The following ABL2 variants were observed in gnomAD, a reference collection of about 807,000 sequenced individuals.
The protein encoded by ABL2 is tyrosine-protein kinase ABL2.
Under a neutral mutation model 107.7 loss-of-function variants are expected in ABL2, and 49 were observed. That is an observed-to-expected ratio of 0.45 (90% confidence interval 0.36 to 0.58). The LOEUF (loss-of-function observed/expected upper bound fraction) is 0.58, where lower values mean the gene tolerates loss of function less well. ABL2 is among the 20% of genes least tolerant of loss of function. ABL2 has a pLI of 0.00. For missense variants in ABL2, 1,245 were observed against 1,457.0 expected (o/e 0.85, Z 2.37); for synonymous variants, 549 against 548.6 (o/e 1.00, Z -0.01).
At position 179,107,859 on chromosome 1, in the gene ABL2, G is replaced by A; in HGVS notation, c.3408C>T (p.Phe1136=). The A allele has an allele frequency of 3.7e-6, 6 of 1,614,214 alleles. No homozygotes were observed. The highest frequency in any genetic ancestry group is 4.2e-6 in the Non-Finnish European group (5 of 1,180,044). ...CIPQTRNKFA[F]REAVSKLELS... ...GTTCCAGTTTGCTCACAGCCTCTCG[G>A]AAGGCAAATTTGTTGCGAGTTTGAG... Residue 1136 remains phenylalanine, a synonymous_variant, in exon 12 of 12, where the codon TTC becomes TTT. Coordinates refer to ENST00000502732, the MANE Select transcript of ABL2 (RefSeq NM_007314.4).
intron 1 of ABL2, among the ~76,000 whole-genome samples, chr1:179,142,317 C>T (rs1464906823): frequency 6.6e-6 from 1 of 151,806 alleles, no homozygotes; most frequent in East Asian, 1.9e-4. Context: ...CAGGCTACAA[C>T]AAAAATAAAG....
At position 179,121,840 on chromosome 1, in the gene ABL2, T is replaced by A. The variant is rs1387773234; in HGVS notation, c.715A>T (p.Ser239Cys). ...KVYVTAESRFSTLAELVHHHS... is the reference protein window; with the variant it reads ...KVYVTAESRFCTLAELVHHHS... ...TGGTGTACAAGCTCTGCCAAGGTGC[T>A]GAAGCGGCTCTCAGCAGTCACATAC... The change falls in exon 5 of 12, where the codon AGC (serine) becomes TGC (cysteine). Residue 239 changes from serine (S) to cysteine (C), a missense_variant. By Grantham distance (112) the Ser-to-Cys change is moderately radical (BLOSUM62 -1). This residue lies in a region of ABL2 where 320 missense variants were observed against 547.0 expected (regional missense o/e 0.59). Transcript: ENST00000502732. 1.9e-6 allele frequency: 3 copies of A among 1,613,382 alleles called. No individual in the cohort carries two copies. The highest frequency in any genetic ancestry group is 2.5e-6 in the Non-Finnish European group (3 of 1,179,896).
chr1:179,200,468 AG>A (rs1273196385), intron 1 of ABL2, among the ~76,000 whole-genome samples: 1 of 152,230 alleles, frequency 6.6e-6, no homozygotes, highest in Non-Finnish European at 1.5e-5. Flanking sequence ...AGTTTCACAA[AG>A]ATAAAAGTTA....
chr1:179,179,211 C>G (rs1660225085), intron 1 of ABL2, among the ~76,000 whole-genome samples: 1 of 152,196 alleles, frequency 6.6e-6, no homozygotes, highest in Non-Finnish European at 1.5e-5. Flanking sequence ...AATTCCTCCA[C>G]ATGAGGATTA....
intron 11 of ABL2, among the ~76,000 whole-genome samples, chr1:179,109,990 T>C (rs1168495576): frequency 6.6e-6 from 1 of 151,496 alleles, no homozygotes; most frequent in African/African-American, 2.4e-5. Flanking sequence ...ACCTCAACAC[T>C]CATCCTTTCT....
rs140936167 is a variant in ABL2 at position 179,104,505 on chromosome 1, T to C, written c.*3213A>G. 4.0e-3 allele frequency: 845 copies of C among 211,126 alleles called. 5 individuals carry two copies. Among genetic ancestry groups the C allele is most frequent in the African/African-American group, 0.017 (753 of 44,298 alleles). 13.1% of individuals were successfully genotyped at this position (211,126 alleles called of 1,614,324 possible). ...AATGCTGCTGGTAAAGGGTCTCCAC[T>C]ATAATGACCTCTATGTACAGAGGTC... On this transcript the variant is annotated 3_prime_UTR_variant, in exon 12 of 12. Transcript: ENST00000502732.
intron 10 of ABL2, chr1:179,110,772 T>C (rs774804608): frequency 3.0e-5 from 49 of 1,613,864 alleles, no homozygotes; most frequent in Non-Finnish European, 4.2e-5. Context: ...TATGAATACG[T>C]TGCTAGCATC....
chr1:179,128,348 A>G (rs1655947153), intron 3 of ABL2, among the ~76,000 whole-genome samples: 1 of 152,170 alleles, frequency 6.6e-6, no homozygotes, highest in South Asian at 2.1e-4. Context: ...GGAAGAAAAA[A>G]AAAAGAATCC....
At chr1:179,146,461 A>C (rs1657991748) in intron 1 of ABL2, among the ~76,000 whole-genome samples, 2 of 152,088 alleles carry the variant, frequency 1.3e-5, no homozygotes, top group Admixed American at 6.5e-5. Flanking sequence ...TGAGACCTGA[A>C]GTGTTTCAGG....
At position 179,108,142 on chromosome 1, in the gene ABL2, G is replaced by A. The variant is rs780655730; in HGVS notation, c.3125C>T (p.Pro1042Leu). The change falls in exon 12 of 12, where the codon CCT becomes CTT. Residue 1042 changes from proline (P) to leucine (L), a missense_variant. Coordinates refer to ENST00000502732, the MANE Select transcript of ABL2 (RefSeq NM_007314.4). ...TGTGGGCAGAGGCACTTGAGGTGGA[G>A]GCATCACTGGCCTCCCAGCTTTCCC... The part of the protein sequence containing the change: ...ISGKAGRPVM[P>L]PPQVPLPTSS... The A allele has an allele frequency of 8.7e-6, 14 of 1,614,116 alleles. No individual in the cohort carries two copies. In the South Asian group the frequency reaches 1.3e-4, roughly 15 times the overall value.
chr1:179,145,725 G>C (rs1049486703), intron 1 of ABL2, among the ~76,000 whole-genome samples: 1 of 152,132 alleles, frequency 6.6e-6, no homozygotes, highest in Non-Finnish European at 1.5e-5. Flanking sequence ...GGTATGTACA[G>C]GAAATAAGAA....
chr1:179,209,246 T>C (rs1301128238), intron 1 of ABL2, among the ~76,000 whole-genome samples: 1 of 152,210 alleles, frequency 6.6e-6, no homozygotes, highest in Admixed American at 6.5e-5. Flanking sequence ...TGTCCTTATC[T>C]CTGAAGACAC....
At chr1:179,173,358 A>ATTTTTTTT (rs554479137) in intron 1 of ABL2, among the ~76,000 whole-genome samples, 1 of 106,122 alleles carries the variant, frequency 9.4e-6, no homozygotes, top group Non-Finnish European at 1.8e-5. Flanking sequence ...AAAGGCTGTA[A>ATTTTTTTT]TTTTTTTTTT....
intron 1 of ABL2, among the ~76,000 whole-genome samples, chr1:179,216,978 G>A (rs1053414312): frequency 7.3e-5 from 11 of 151,244 alleles, no homozygotes; most frequent in African/African-American, 2.2e-4. Context: ...CACCTCACCC[G>A]GCCAGTTACA....
rs1334489378 is a variant in ABL2, at chr1:179,163,901, GATGAATCTCAAAGGCA to G, written c.158-30543_158-30528del. 1.4e-4 allele frequency among the ~76,000 whole-genome samples: 21 copies of G among 152,302 alleles called. No homozygotes were observed. The East Asian group carries it at 3.1e-3, about 22-fold the overall frequency. On this transcript the variant is annotated intron_variant, in intron 1 of 11. Coordinates refer to ENST00000502732, the MANE Select transcript of ABL2 (RefSeq NM_007314.4). ...ATGAAGTATTGATAGACACAAGTTG[GATGAATCTCAAAGGCA>G]TTTTGCTGAGTCTCCCACAGAAGCC... is the stretch of plus-strand genomic sequence containing the variant.
At chr1:179,190,486 C>A (rs1660936657) in intron 1 of ABL2, among the ~76,000 whole-genome samples, 1 of 152,120 alleles carries the variant, frequency 6.6e-6, no homozygotes, top group South Asian at 2.1e-4. Context: ...CCCAGTACTT[C>A]TAGGTTTCGT....
At chr1:179,208,557 C>G (rs141961680) in intron 1 of ABL2, among the ~76,000 whole-genome samples, 7 of 152,064 alleles carry the variant, frequency 4.6e-5, no homozygotes, top group Non-Finnish European at 1.0e-4. Context: ...TTGGGAAGAC[C>G]GGAATATCAA....
In ABL2 at chr1:179,110,908, T is replaced by G. The variant is rs960283008; in HGVS notation, c.1652-453A>C. ...TAGGCCCTGCCAACCTGTCCCCAAA[T>G]AGCGATACTATTTTGCATGAAAGCT... On this transcript the variant is annotated intron_variant, in intron 10 of 11. Coordinates refer to ENST00000502732, the MANE Select transcript of ABL2 (RefSeq NM_007314.4). The G allele has an allele frequency of 5.0e-6, 8 of 1,605,268 alleles. No individual in the cohort carries two copies. In the East Asian group the frequency reaches 1.8e-4, roughly 36 times the overall value.
chr1:179,137,079 T>C (rs1657102683), intron 1 of ABL2, among the ~76,000 whole-genome samples: 1 of 152,194 alleles, frequency 6.6e-6, no homozygotes, highest in African/African-American at 2.4e-5. Context: ...TTTTACATTA[T>C]GATAAACTTA....
Sources: gnomAD v4.1 joint callset for allele counts (sites outside exome capture counted in the v4.1 genomes callset) on GRCh38, gnomAD v4.1.1 for gene constraint, gnomAD v4.1.1 regional missense constraint, MANE v1.5 for transcripts, NCBI Gene and HGNC (gene_info 2026-07-23, HGNC 2026-07-21) for gene names.